ITIH5: variants seen among roughly 807,000 people sequenced by gnomAD.
ITIH5 encodes the protein inter-alpha-trypsin inhibitor heavy chain 5, also known as inter-alpha-trypsin inhibitor heavy chain H5.
Under a neutral mutation model 77.5 loss-of-function variants are expected in ITIH5, and 65 were observed. That is an observed-to-expected ratio of 0.84 (90% confidence interval 0.69 to 1.03). The LOEUF is 1.03. Among genes scored for constraint, ITIH5 ranks in the 50% least tolerant of loss-of-function variants. The pLI, the probability that ITIH5 is intolerant of heterozygous loss-of-function variation, is 0.00. For synonymous variants in ITIH5, 525 were observed against 494.3 expected, an observed-to-expected ratio of 1.06 and a Z score of -0.82; for missense variants, 1,208 against 1,213.1, an observed-to-expected ratio of 1.00 and a Z score of 0.06.
chr10:7,663,112 G>A (rs1834305458), intron 1 of ITIH5, among the ~76,000 whole-genome samples: 1 of 152,216 alleles, frequency 6.6e-6, no homozygotes, highest in Non-Finnish European at 1.5e-5. Context: ...AATTATAAAA[G>A]TGAACATGGC....
intron 4 of ITIH5, among the ~76,000 whole-genome samples, chr10:7,638,316 C>T (rs1833833199): frequency 6.6e-6 from 1 of 152,124 alleles, no homozygotes; most frequent in South Asian, 2.1e-4. Context: ...TTCTATACTC[C>T]TCCTTCCCAG....
intron 7 of ITIH5, among the ~76,000 whole-genome samples, chr10:7,598,740 T>A (rs11814502): frequency 0.014 from 2,077 of 152,272 alleles, 28 homozygotes; most frequent in African/African-American, 0.029. Context: ...CAAAAAACAC[T>A]TTTATTGTAA....
At chr10:7,603,113 T>C (rs1392642143) in intron 7 of ITIH5, among the ~76,000 whole-genome samples, 1 of 152,170 alleles carries the variant, frequency 6.6e-6, no homozygotes, top group Non-Finnish European at 1.5e-5. Context: ...TAGCTGCAGC[T>C]GAGGCACACA....
Position 7,566,143 on chromosome 10 carries a change from G to A in ITIH5, c.2414C>T (p.Ala805Val). 1.9e-6 allele frequency: 3 copies of A among 1,614,112 alleles called. No individual in the cohort carries two copies. Among genetic ancestry groups the A allele is most frequent in the African/African-American group, 1.3e-5 (1 of 75,010 alleles). Residue 805 changes from alanine to valine, a missense_variant, in exon 13 of 14, where the codon GCC becomes GTC. By Grantham distance (64) the Ala-to-Val change is moderately conservative. Coordinates refer to ENST00000397146, the MANE Select transcript of ITIH5 (RefSeq NM_030569.7). ...NVTVTIQGSI[A>V]FVILIHLYKK... ...GTAGAGGTGGATGAGGATGACAAAG[G>A]CTATGGAGCCCTGGATGGTGACGGT...
At chr10:7,624,397 C>G (rs1010720173) in intron 5 of ITIH5, among the ~76,000 whole-genome samples, 1 of 151,966 alleles carries the variant, frequency 6.6e-6, no homozygotes, top group African/African-American at 2.4e-5. Flanking sequence ...ATCCTAGATA[C>G]TCGGGAGGCT....
intron 5 of ITIH5, among the ~76,000 whole-genome samples, chr10:7,627,485 G>A (rs1229628814): frequency 6.6e-6 from 1 of 152,194 alleles, no homozygotes; most frequent in East Asian, 1.9e-4. Flanking sequence ...CAGCTGCAGT[G>A]TCAGCCACCA....
chr10:7,624,904 C>CATAT (rs35403005), intron 5 of ITIH5, among the ~76,000 whole-genome samples: 1 of 113,124 alleles, frequency 8.8e-6, no homozygotes, highest in Non-Finnish European at 1.7e-5. Context: ...TATATACATA[C>CATAT]ATATATATAT....
intron 12 of ITIH5, among the ~76,000 whole-genome samples, chr10:7,568,807 G>A (rs1334584450): frequency 2.0e-5 from 3 of 151,904 alleles, no homozygotes; most frequent in African/African-American, 7.3e-5. Context: ...GACCAACAGG[G>A]GCCACAGAGC....
At chr10:7,646,205 T>TA (rs917833623) in intron 2 of ITIH5, among the ~76,000 whole-genome samples, 8 of 152,128 alleles carry the variant, frequency 5.3e-5, no homozygotes, top group African/African-American at 1.7e-4. Context: ...ATCAATGCTT[T>TA]AAAAAAAATC....
chr10:7,573,095 A>C, intron 11 of ITIH5, 47 bp downstream of exon 11: 1 of 1,573,292 alleles, frequency 6.4e-7, no homozygotes, highest in Non-Finnish European at 8.7e-7. Flanking sequence ...ACACTTTTTA[A>C]ACATCTCTTA....
At chr10:7,641,602 G>A (rs1309024055) in intron 3 of ITIH5, among the ~76,000 whole-genome samples, 2 of 144,814 alleles carry the variant, frequency 1.4e-5, no homozygotes, top group Non-Finnish European at 3.0e-5. Context: ...AGAGAAAATA[G>A]AAGGAAGGGA....
intron 7 of ITIH5, among the ~76,000 whole-genome samples, chr10:7,614,161 G>A (rs1387948054): frequency 6.6e-6 from 1 of 152,036 alleles, no homozygotes; most frequent in Non-Finnish European, 1.5e-5. Context: ...TTAAAAATAC[G>A]CTCATGGATG....
intron 1 of ITIH5, among the ~76,000 whole-genome samples, chr10:7,661,418 A>G (rs1227010252): frequency 6.6e-6 from 1 of 152,092 alleles, no homozygotes; most frequent in African/African-American, 2.4e-5. Flanking sequence ...AGGGCCAATT[A>G]CCTTAGAGAT....
chr10:7,595,325 C>A (rs1832872980), intron 7 of ITIH5, among the ~76,000 whole-genome samples: 1 of 138,086 alleles, frequency 7.2e-6, no homozygotes, highest in South Asian at 2.6e-4. Flanking sequence ...GATAGATACA[C>A]TTAGTAAACG....
chr10:7,645,323 G>T (rs1323368824), intron 2 of ITIH5, among the ~76,000 whole-genome samples: 2 of 152,112 alleles, frequency 1.3e-5, no homozygotes, highest in Admixed American at 1.3e-4. Context: ...TTTAGTTTGA[G>T]AAGGAATTAT....
intron 5 of ITIH5, among the ~76,000 whole-genome samples, chr10:7,635,308 T>C (rs1165247427): frequency 6.6e-6 from 1 of 152,202 alleles, no homozygotes; most frequent in Admixed American, 6.5e-5. Flanking sequence ...ACCCTTTACA[T>C]ACATGAGCAC....
chr10:7,603,576 GTTTTGT>G (rs1326010097), intron 7 of ITIH5, among the ~76,000 whole-genome samples: 1 of 152,068 alleles, frequency 6.6e-6, no homozygotes, highest in Non-Finnish European at 1.5e-5. Flanking sequence ...CGCTGATACG[GTTTTGT>G]TTTTTGTTTG....
intron 13 of ITIH5, among the ~76,000 whole-genome samples, chr10:7,565,393 TATC>T (rs746270778): frequency 1.3e-3 from 197 of 147,902 alleles, no homozygotes; most frequent in South Asian, 4.2e-3. Flanking sequence ...TATACACACA[TATC>T]ATGCACACAT....
rs1832031269 is a variant in ITIH5, at chr10:7,561,039, AT to A, written c.*2043del. Reference sequence around the variant, plus strand: ...TTTCGGGCTTTCAGGTACTGACCCCATTTGAAAAAAAAAAAAAAGATCTACA... The same window carrying A: ...TTTCGGGCTTTCAGGTACTGACCCCATTGAAAAAAAAAAAAAAGATCTACA... On this transcript the variant is annotated 3_prime_UTR_variant, in exon 14 of 14. Coordinates refer to ENST00000397146, the MANE Select transcript of ITIH5 (RefSeq NM_030569.7). 1 of 25,582 alleles carries A rather than the reference AT, an allele frequency of 3.9e-5. No individual in the cohort carries two copies. Among genetic ancestry groups the A allele is most frequent in the Non-Finnish European group, 1.1e-4 (1 of 8,812 alleles). 1.6% of individuals were successfully genotyped at this position (25,582 alleles called of 1,614,324 possible).
Sources: allele counts gnomAD v4.1 joint callset (sites outside exome capture counted in the v4.1 genomes callset), GRCh38; gene constraint gnomAD v4.1.1; transcripts MANE v1.5; gene names NCBI Gene and HGNC (gene_info 2026-07-23, HGNC 2026-07-21).